GRK3: variants seen among roughly 807,000 people sequenced by gnomAD.
GRK3 encodes the protein adrenergic, beta, receptor kinase 2.
A neutral mutation model predicts 95.7 loss-of-function variants in GRK3; 54 were observed. The ratio of observed to expected loss-of-function variants is 0.56; its 90% CI spans 0.45 to 0.71. GRK3 has a LOEUF of 0.71. Ranked by LOEUF, GRK3 falls within the 30% of genes least tolerant of loss-of-function variation. The pLI, the probability that GRK3 is intolerant of heterozygous loss-of-function variation, is 0.00. For synonymous variants in GRK3, 281 were observed against 290.8 expected, an observed-to-expected ratio of 0.97 and a Z score of 0.34; for missense variants, 649 against 851.2, an observed-to-expected ratio of 0.76 and a Z score of 2.96.
At chr22:25,612,230 G>A (rs1288985673) in intron 2 of GRK3, among the ~76,000 whole-genome samples, 1 of 152,014 alleles carries the variant, frequency 6.6e-6, no homozygotes, top group Non-Finnish European at 1.5e-5. Context: ...CTTATATCTT[G>A]GTCTGTGGTC....
chr22:25,698,275 A>G (rs2085227075), intron 13 of GRK3, among the ~76,000 whole-genome samples: 1 of 151,228 alleles, frequency 6.6e-6, no homozygotes, highest in Admixed American at 6.6e-5. Flanking sequence ...GGAGAGAAAG[A>G]AGGAAGGAAG....
Position 25,564,791 on chromosome 22 carries a change from T to TGCGCGGG in GRK3, c.-245_-239dup, listed in dbSNP as rs1931374274. 6.8e-6 allele frequency: 1 copy of TGCGCGGG among 147,808 alleles called. No homozygotes were observed. The highest frequency in any genetic ancestry group is 2.5e-5 in the African/African-American group (1 of 40,424). 9.2% of individuals were successfully genotyped at this position (147,808 alleles called of 1,614,324 possible). ...CTGAAGGAGCAGGGGGCGGCGCGCG[T>TGCGCGGG]GCGCGGGGCGCCGGGCGGCGCGCGA... is the stretch of plus-strand genomic sequence containing the variant. On this transcript the variant is annotated 5_prime_UTR_variant, in exon 1 of 21. Coordinates refer to ENST00000324198, the MANE Select transcript of GRK3 (RefSeq NM_005160.4).
Position 25,711,219 on chromosome 22 carries a change from TTGGAAA to T in GRK3, c.1491+58_1491+63del. The T allele has an allele frequency of 3.2e-6, 4 of 1,231,928 alleles. No individual in the cohort carries two copies. The South Asian group carries it at 4.2e-5, about 13-fold the overall frequency. 76.3% of individuals were successfully genotyped at this position (1,231,928 alleles called of 1,614,324 possible). On this transcript the variant is annotated intron_variant, in intron 17 of 20. Coordinates refer to ENST00000324198, the MANE Select transcript of GRK3 (RefSeq NM_005160.4). ...TTATTTTTGGATGGGATGATTTCTG[TTGGAAA>T]TCAAACTTAGTGGTTGTTTTAATAT...
chr22:25,624,745 T>C (rs1357186973), intron 2 of GRK3, among the ~76,000 whole-genome samples: 2 of 152,230 alleles, frequency 1.3e-5, no homozygotes. Flanking sequence ...TCTCTGACGC[T>C]ATTTTCTCTT....
chr22:25,673,210 C>T (rs976853618), intron 7 of GRK3, among the ~76,000 whole-genome samples: 19 of 151,886 alleles, frequency 1.3e-4, no homozygotes, highest in African/African-American at 4.3e-4. Flanking sequence ...TACAGGCACC[C>T]GCCACCATGC....
In GRK3 at chr22:25,591,414, T is replaced by C. The variant is rs145402494; in HGVS notation, c.114-12963T>C. 2.0e-3 allele frequency among the ~76,000 whole-genome samples: 305 copies of C among 152,222 alleles called. 1 individual carries two copies. Among genetic ancestry groups the C allele is most frequent in the African/African-American group, 6.9e-3 (288 of 41,532 alleles). The stretch of plus-strand genomic sequence containing the variant: ...AAAGTAGGCTTGATTGCAGAAAGCT[T>C]TGGGTGTTGGTGACAGAACTCAATC... On this transcript the variant is annotated intron_variant, in intron 1 of 20. Transcript: ENST00000324198.
At position 25,667,735 on chromosome 22, in the gene GRK3, C is replaced by T; in HGVS notation, c.442-4C>T. 6.2e-7 allele frequency: 1 copy of T among 1,606,856 alleles called. No homozygotes were observed. The highest frequency in any genetic ancestry group is 8.5e-7 in the Non-Finnish European group (1 of 1,174,438). ...CCGTGGAATTTCTTTTCCATCTCTT[C>T]CAGCCATACATAGAAGAAATTTGTG... On this transcript the variant is annotated splice_region_variant and splice_polypyrimidine_tract_variant and intron_variant, in intron 5 of 20. Coordinates refer to ENST00000324198, the MANE Select transcript of GRK3 (RefSeq NM_005160.4).
At chr22:25,685,359 G>C (rs1415153818) in intron 10 of GRK3, 111 bp downstream of exon 10, 17 of 836,326 alleles carry the variant, frequency 2.0e-5, no homozygotes. Flanking sequence ...AGGTAATTAG[G>C]TTCCCCCTGA....
chr22:25,624,951 C>G (rs1357114416), intron 2 of GRK3, among the ~76,000 whole-genome samples: 1 of 146,840 alleles, frequency 6.8e-6, no homozygotes, highest in Non-Finnish European at 1.5e-5. Context: ...GAGTCTTGCT[C>G]TGTCTCCCAG....
chr22:25,715,508 CAAAA>C (rs112868776), intron 18 of GRK3, among the ~76,000 whole-genome samples: 1 of 138,888 alleles, frequency 7.2e-6, no homozygotes, highest in South Asian at 2.3e-4. Flanking sequence ...GAAGCTGTCT[CAAAA>C]AAAAAAAAAT....
At chr22:25,604,071 C>T (rs139744928) in intron 1 of GRK3, among the ~76,000 whole-genome samples, 4 of 152,080 alleles carry the variant, frequency 2.6e-5, no homozygotes, top group East Asian at 1.9e-4. Flanking sequence ...TGTGTTTGTG[C>T]GTGCAGACAC....
chr22:25,604,929 G>A (rs994326802), intron 2 of GRK3, among the ~76,000 whole-genome samples: 4 of 152,142 alleles, frequency 2.6e-5, no homozygotes, highest in African/African-American at 9.7e-5. Flanking sequence ...CGTATTCTTC[G>A]AGATAATTCT....
Position 25,711,881 on chromosome 22 carries a change from T to C in GRK3, c.1491+718T>C, listed in dbSNP as rs570018282. On this transcript the variant is annotated intron_variant, in intron 17 of 20. Coordinates refer to ENST00000324198, the MANE Select transcript of GRK3 (RefSeq NM_005160.4). ...GCGTTGCCTTCCCCACCAAGTAGCT[T>C]CCTTCTCCAGAAGGCTGCAGCACTA... is the stretch of plus-strand genomic sequence containing the variant. Among the ~76,000 whole-genome samples the C allele has an allele frequency of 2.6e-5, 4 of 152,322 alleles. No homozygotes were observed. The South Asian group carries it at 8.3e-4, about 32-fold the overall frequency.
intron 13 of GRK3, among the ~76,000 whole-genome samples, chr22:25,698,900 G>A (rs2085233362): frequency 6.6e-6 from 1 of 152,172 alleles, no homozygotes; most frequent in Admixed American, 6.5e-5. Flanking sequence ...TTTTCGTGGA[G>A]TGTGTTTTGT....
intron 1 of GRK3, among the ~76,000 whole-genome samples, chr22:25,578,357 AG>A (rs1931982155): frequency 6.6e-6 from 1 of 152,190 alleles, no homozygotes; most frequent in South Asian, 2.1e-4. Context: ...GGCCAGAAGA[AG>A]GGGTTTCCAC....
intron 1 of GRK3, among the ~76,000 whole-genome samples, chr22:25,600,967 C>T (rs1422720715): frequency 6.6e-6 from 1 of 152,142 alleles, no homozygotes; most frequent in African/African-American, 2.4e-5. Flanking sequence ...CATGGAAGCA[C>T]AACATTGTTC....
At position 25,590,308 on chromosome 22, in the gene GRK3, A is replaced by AT. The variant is rs377002592; in HGVS notation, c.114-14058dup. Among the ~76,000 whole-genome samples, 328 of 147,478 alleles carry AT rather than the reference A, an allele frequency of 2.2e-3. 1 individual carries two copies. The highest frequency in any genetic ancestry group is 2.6e-3 in the Non-Finnish European group (175 of 66,394). ...AGTCAATGCACATTCTCATTTCTCT[A>AT]TTTTTTTTTTTAAAGAATACTGTTT... On this transcript the variant is annotated intron_variant, in intron 1 of 20. Coordinates refer to ENST00000324198, the MANE Select transcript of GRK3 (RefSeq NM_005160.4).
rs565389802 is a variant in GRK3 at position 25,653,362 on chromosome 22, C to T, written c.265-8214C>T. On this transcript the variant is annotated intron_variant, in intron 3 of 20. Coordinates refer to ENST00000324198, the MANE Select transcript of GRK3 (RefSeq NM_005160.4). ...ATACGAACACTAACCAAAGCAAAGC[C>T]GGCATAACTACACTAGTATCAGGCA... Among the ~76,000 whole-genome samples, 9 of 152,212 alleles carry T rather than the reference C, an allele frequency of 5.9e-5. No homozygotes were observed. The South Asian group carries it at 1.7e-3, about 28-fold the overall frequency.
chr22:25,619,079 A>T (rs2084561177), intron 2 of GRK3, among the ~76,000 whole-genome samples: 1 of 152,186 alleles, frequency 6.6e-6, no homozygotes, highest in Non-Finnish European at 1.5e-5. Context: ...TCTTGGTGAG[A>T]AAATTTGATA....
Sources: allele counts gnomAD v4.1 joint callset (sites outside exome capture counted in the v4.1 genomes callset), GRCh38; gene constraint gnomAD v4.1.1; transcripts MANE v1.5; gene names NCBI Gene and HGNC (gene_info 2026-07-23, HGNC 2026-07-21).